Variants in RASAL2 observed in about 807,000 individuals in gnomAD.
The protein encoded by RASAL2 is ras GTPase-activating protein nGAP.
RASAL2 carries 58 observed loss-of-function variants against 128.9 expected under a neutral mutation model. The observed-to-expected ratio is 0.45, with a 90% CI of 0.36 to 0.56. The LOEUF (loss-of-function observed/expected upper bound fraction) is 0.56. Among genes scored for constraint, RASAL2 ranks in the 20% least tolerant of loss-of-function variants. RASAL2 has a pLI of 0.00. For missense variants in RASAL2, 1,360 were observed against 1,601.6 expected, an observed-to-expected ratio of 0.85 and a Z score of 2.57; for synonymous variants, 561 against 580.8, an observed-to-expected ratio of 0.97 and a Z score of 0.49.
chr1:178,266,964 G>A (rs1029991880), intron 1 of RASAL2, among the ~76,000 whole-genome samples: 1 of 152,152 alleles, frequency 6.6e-6, no homozygotes, highest in African/African-American at 2.4e-5. Flanking sequence ...AGTTTCTAAT[G>A]GCTGGCATTT....
chr1:178,110,271 A>G (rs1188642277), intron 1 of RASAL2, among the ~76,000 whole-genome samples: 1 of 151,940 alleles, frequency 6.6e-6, no homozygotes, highest in African/African-American at 2.4e-5. Flanking sequence ...CAAGAATTTT[A>G]TGGACATTAA....
chr1:178,197,858 C>T (rs1662722033), intron 1 of RASAL2, among the ~76,000 whole-genome samples: 2 of 152,040 alleles, frequency 1.3e-5, no homozygotes, highest in African/African-American at 4.8e-5. Flanking sequence ...CATTCCCCCA[C>T]CCAATGACAG....
In RASAL2 at chr1:178,334,487, C is replaced by T. The variant is rs571071896; in HGVS notation, c.457+34369C>T. 2.9e-3 allele frequency among the ~76,000 whole-genome samples: 445 copies of T among 151,564 alleles called. 2 individuals carry two copies. Among genetic ancestry groups the T allele is most frequent in the Admixed American group, 4.9e-3 (74 of 15,216 alleles). ...CCAAGTAGCTGGGATTACAGGCATG[C>T]GCCACCACGCCTTGCTAATTTTTGT... is the stretch of plus-strand genomic sequence containing the variant. On this transcript the variant is annotated intron_variant, in intron 3 of 17. Transcript: ENST00000367649.
intron 1 of RASAL2, among the ~76,000 whole-genome samples, chr1:178,118,094 G>A (rs1659579001): frequency 6.6e-6 from 1 of 151,874 alleles, no homozygotes; most frequent in Admixed American, 6.6e-5. Flanking sequence ...AACCCGGGAG[G>A]TGGAGGTTGC....
chr1:178,375,737 A>G (rs1297086384), intron 3 of RASAL2, among the ~76,000 whole-genome samples: 2 of 152,200 alleles, frequency 1.3e-5, no homozygotes, highest in African/African-American at 2.4e-5. Flanking sequence ...GGGGAACAAA[A>G]TGAATCAAAG....
chr1:178,162,496 ATT>A (rs1433817655), intron 1 of RASAL2, among the ~76,000 whole-genome samples: 3 of 124,188 alleles, frequency 2.4e-5, no homozygotes, highest in African/African-American at 6.1e-5. Flanking sequence ...TAATATATAT[ATT>A]TTATATTATA....
intron 1 of RASAL2, among the ~76,000 whole-genome samples, chr1:178,150,107 A>G (rs1289398945): frequency 6.6e-6 from 1 of 152,182 alleles, no homozygotes; most frequent in Non-Finnish European, 1.5e-5. Context: ...TCATCTTTTA[A>G]TAGATTTTCT....
At position 178,413,067 on chromosome 1, in the gene RASAL2, T is replaced by C. The variant is rs76490462; in HGVS notation, c.565-7444T>C. On this transcript the variant is annotated intron_variant, in intron 4 of 17. Coordinates refer to ENST00000367649, the MANE Select transcript of RASAL2 (RefSeq NM_170692.4). ...CGTCTGTCCATCCGTCTGTCTGTCT[T>C]TTCTTCAGAGTCTTGCTCTGTCTCC... Among the ~76,000 whole-genome samples, 838 of 152,202 alleles carry C rather than the reference T, an allele frequency of 5.5e-3. 11 individuals carry two copies. Among genetic ancestry groups the C allele is most frequent in the African/African-American group, 0.019 (783 of 41,516 alleles).
chr1:178,276,153 A>G (rs1450628385), intron 1 of RASAL2, among the ~76,000 whole-genome samples: 1 of 152,176 alleles, frequency 6.6e-6, no homozygotes, highest in East Asian at 1.9e-4. Context: ...CTATAATATA[A>G]TTTGCCAGCC....
At chr1:178,136,716 C>G (rs536226300) in intron 1 of RASAL2, among the ~76,000 whole-genome samples, 2 of 132,778 alleles carry the variant, frequency 1.5e-5, no homozygotes, top group African/African-American at 5.9e-5. Flanking sequence ...AAGATTGCGC[C>G]ACTGTACTCC....
At chr1:178,408,622 T>TG (rs2102690514) in intron 4 of RASAL2, among the ~76,000 whole-genome samples, 1 of 151,926 alleles carries the variant, frequency 6.6e-6, no homozygotes, top group African/African-American at 2.4e-5. Flanking sequence ...GTTTTTTGTT[T>TG]TTTGTTTTGC....
intron 12 of RASAL2, 90 bp downstream of exon 12, chr1:178,454,738 A>G (rs1677643509): frequency 1.8e-6 from 2 of 1,125,716 alleles, no homozygotes; most frequent in Non-Finnish European, 2.6e-6. Flanking sequence ...CTTTCTGCTA[A>G]TTGAAAGCAA....
intron 5 of RASAL2, among the ~76,000 whole-genome samples, chr1:178,429,374 C>T (rs1369065122): frequency 6.6e-6 from 1 of 152,116 alleles, no homozygotes; most frequent in African/African-American, 2.4e-5. Flanking sequence ...ACCCTTCTCC[C>T]TTGTAGGTAG....
chr1:178,433,830 T>A (rs1676081684), intron 5 of RASAL2, among the ~76,000 whole-genome samples: 1 of 151,776 alleles, frequency 6.6e-6, no homozygotes, highest in African/African-American at 2.4e-5. Flanking sequence ...GGCACCAGAA[T>A]CACTTGAACC....
intron 4 of RASAL2, among the ~76,000 whole-genome samples, chr1:178,404,989 G>A (rs904958232): frequency 6.6e-6 from 1 of 152,056 alleles, no homozygotes; most frequent in Non-Finnish European, 1.5e-5. Context: ...GCCGAGAAAT[G>A]CACATTTTAA....
chr1:178,123,191 G>T (rs1161031392), intron 1 of RASAL2: 1 of 152,066 alleles, frequency 6.6e-6, no homozygotes, highest in Non-Finnish European at 1.5e-5. Context: ...AGGTAATTTG[G>T]ATATACATTA....
At chr1:178,296,818 A>T (rs1014825367) in intron 2 of RASAL2, among the ~76,000 whole-genome samples, 24 of 151,816 alleles carry the variant, frequency 1.6e-4, no homozygotes, top group African/African-American at 5.8e-4. Flanking sequence ...AATTACAGGC[A>T]TGCCCCACCA....
At chr1:178,170,692 T>G (rs1312330696) in intron 1 of RASAL2, among the ~76,000 whole-genome samples, 1 of 151,616 alleles carries the variant, frequency 6.6e-6, no homozygotes, top group Non-Finnish European at 1.5e-5. Flanking sequence ...TTTATATATA[T>G]TATATATCCA....
intron 1 of RASAL2, among the ~76,000 whole-genome samples, chr1:178,189,106 A>T (rs1009067287): frequency 2.0e-5 from 3 of 152,194 alleles, no homozygotes; most frequent in African/African-American, 7.2e-5. Flanking sequence ...CATCATTATC[A>T]ACCATGAGTT....
Sources: allele counts gnomAD v4.1 joint callset (sites outside exome capture counted in the v4.1 genomes callset), GRCh38; gene constraint gnomAD v4.1.1; transcripts MANE v1.5; gene names NCBI Gene and HGNC (gene_info 2026-07-23, HGNC 2026-07-21).